The following GINS1 variants were observed in gnomAD, a reference collection of about 807,000 sequenced individuals.
GINS1 encodes the protein GINS complex subunit 1.
GINS1 carries 26 observed loss-of-function variants against 34.9 expected under a neutral mutation model. That is an observed-to-expected ratio of 0.74 (90% CI 0.55 to 1.03). The LOEUF is 1.03. GINS1 is among the 50% of genes least tolerant of loss of function. The probability of loss-of-function intolerance (pLI) is 0.00; values close to 1 mark genes in which losing one functional copy is unlikely to be tolerated. For missense variants in GINS1, 235 were observed against 237.9 expected, an observed-to-expected ratio of 0.99 and a Z score of 0.08; for synonymous variants, 97 against 84.4, an observed-to-expected ratio of 1.15 and a Z score of -0.82.
intron 1 of GINS1, among the ~76,000 whole-genome samples, chr20:25,412,677 A>G (rs767628628): frequency 2.2e-4 from 34 of 152,286 alleles, no homozygotes; most frequent in Non-Finnish European, 2.4e-4. Context: ...TTTACATACA[A>G]CATGTGTATT....
chr20:25,425,474 T>C, intron 5 of GINS1, 147 bp downstream of exon 5: 1 of 484,362 alleles, frequency 2.1e-6, no homozygotes, highest in South Asian at 4.4e-5. Flanking sequence ...TGTAGGGGGA[T>C]GACAGAATAC....
chr20:25,437,800 T>A (rs1205323984), intron 5 of GINS1, among the ~76,000 whole-genome samples: 1 of 152,088 alleles, frequency 6.6e-6, no homozygotes, highest in African/African-American at 2.4e-5. Context: ...AAAAGGGTAA[T>A]TGACATTACC....
rs6138567 is a variant in GINS1, at chr20:25,428,365, C to G, written c.447+3038C>G. On this transcript the variant is annotated intron_variant, in intron 5 of 6. Coordinates refer to ENST00000262460, the MANE Select transcript of GINS1 (RefSeq NM_021067.5). ...GTGATGGTCCAACTTTATTTTTTTGCATGTGGAAATCTAGCTTTCCAAGCA... is the reference window on the plus strand; with the variant it reads ...GTGATGGTCCAACTTTATTTTTTTGGATGTGGAAATCTAGCTTTCCAAGCA... Among the ~76,000 whole-genome samples, 3,295 of 143,030 alleles carry G rather than the reference C, an allele frequency of 0.023. 150 individuals are homozygous for G. The East Asian group carries it at 0.23, about 10-fold the overall frequency. The allele number at this position is 143,030 out of a possible 152,430, so 93.8% of individuals were successfully genotyped here.
Position 25,446,874 on chromosome 20 carries a change from C to G in GINS1, c.*883C>G, listed in dbSNP as rs1203107371. 6.6e-6 allele frequency: 1 copy of G among 152,110 alleles called. No individual in the cohort carries two copies. The highest frequency in any genetic ancestry group is 2.1e-4 in the South Asian group (1 of 4,814). The allele number at this position is 152,110 out of a possible 1,614,324, so 9.4% of individuals were successfully genotyped here. ...CTGACATTTTAAATTTTGATGAAAT[C>G]CAGTTTATTCGTTTGTTCTTTTATG... On this transcript the variant is annotated 3_prime_UTR_variant, in exon 7 of 7. Coordinates refer to ENST00000262460, the MANE Select transcript of GINS1 (RefSeq NM_021067.5).
chr20:25,422,814 T>C (rs146683638), intron 4 of GINS1, among the ~76,000 whole-genome samples: 1,970 of 152,344 alleles, frequency 0.013, 45 homozygotes, highest in African/African-American at 0.042. Context: ...TTTGCTCTTG[T>C]TGCCCAGGCT....
At chr20:25,430,283 G>A (rs531509787) in intron 5 of GINS1, among the ~76,000 whole-genome samples, 1 of 152,304 alleles carries the variant, frequency 6.6e-6, no homozygotes, top group South Asian at 2.1e-4. Flanking sequence ...TTATGTTGAT[G>A]TATAGTTATC....
intron 4 of GINS1, among the ~76,000 whole-genome samples, chr20:25,422,820 A>G (rs973394710): frequency 6.6e-6 from 1 of 152,182 alleles, no homozygotes; most frequent in Admixed American, 6.5e-5. Flanking sequence ...CTTGTTGCCC[A>G]GGCTGGAGTG....
chr20:25,415,459 G>A (rs957553873), intron 2 of GINS1, among the ~76,000 whole-genome samples: 16 of 152,272 alleles, frequency 1.1e-4, no homozygotes, highest in African/African-American at 3.4e-4. Flanking sequence ...AGGCCGAGGC[G>A]GGTGGATCAT....
intron 2 of GINS1, 44 bp from the exon 3 acceptor site, chr20:25,417,060 C>T (rs774864521): frequency 1.1e-6 from 1 of 884,052 alleles, no homozygotes; most frequent in Non-Finnish European, 1.9e-6. Flanking sequence ...TTTTACTTAT[C>T]CTGAAAAGTA....
Sources: allele counts gnomAD v4.1 joint callset (sites outside exome capture counted in the v4.1 genomes callset), GRCh38; gene constraint gnomAD v4.1.1; transcripts MANE v1.5; gene names NCBI Gene and HGNC (gene_info 2026-07-23, HGNC 2026-07-21).